Variants in UBL7 observed in about 807,000 individuals in gnomAD.
UBL7 encodes ubiquitin like 7.
A neutral mutation model predicts 41.7 loss-of-function variants in UBL7; 21 were observed. The ratio of observed to expected loss-of-function variants is 0.50; its 90% CI spans 0.36 to 0.73. UBL7 has a LOEUF of 0.73. UBL7 is among the 30% of genes least tolerant of loss of function. The pLI, the probability that UBL7 is intolerant of heterozygous loss-of-function variation, is 0.00. For synonymous variants in UBL7, 157 were observed against 186.9 expected, an observed-to-expected ratio of 0.84 and a Z score of 1.31; for missense variants, 403 against 478.4, an observed-to-expected ratio of 0.84 and a Z score of 1.47.
chr15:74,446,403 AAG>A lies in UBL7; in HGVS notation c.1006-178_1006-177del, dbSNP rs1200545375. Among the ~76,000 whole-genome samples, 1 of 152,244 alleles carries A rather than the reference AAG, an allele frequency of 6.6e-6. No individual in the cohort carries two copies. The highest frequency in any genetic ancestry group is 1.5e-5 in the Non-Finnish European group (1 of 68,038). Reference sequence around the variant, plus strand: ...AGACTAAAAGATAGGCTTGAGGGTTAAGAGAACAAATCCAAAGTTTTACAATA... The same window carrying A: ...AGACTAAAAGATAGGCTTGAGGGTTAAGAACAAATCCAAAGTTTTACAATA... On this transcript the variant is annotated intron_variant, in intron 10 of 10. Transcript: ENST00000395081. This position sits in a 1 kb window ranked among gnomAD's most constrained non-coding sequence, Gnocchi z 4.1.
chr15:74,450,129 C>T, intron 6 of UBL7, 60 bp from the exon 7 acceptor site: 2 of 1,521,966 alleles, frequency 1.3e-6, no homozygotes, highest in South Asian at 2.6e-5. Context: ...TCAGCCATAA[C>T]AGGAGTTCTG....
At chr15:74,454,005 T>C (rs947631820) in intron 3 of UBL7, among the ~76,000 whole-genome samples, 4 of 152,234 alleles carry the variant, frequency 2.6e-5, no homozygotes, top group African/African-American at 9.6e-5. Flanking sequence ...GTAAGATCTC[T>C]GAGCTAAATT....
At position 74,448,534 on chromosome 15, in the gene UBL7, G is replaced by T. The variant is rs752125422; in HGVS notation, c.949C>A (p.Leu317Ile). ...VQSGTPITNDLFSQALQHALQ... is the reference protein window; with the variant it reads ...VQSGTPITNDIFSQALQHALQ... Reference sequence around the variant, plus strand: ...GCATGCTGTAGGGCTTGGCTGAAGAGATCATTGGTGATGGGCGTCCCTGAC... The same window carrying T: ...GCATGCTGTAGGGCTTGGCTGAAGATATCATTGGTGATGGGCGTCCCTGAC... Residue 317 changes from leucine to isoleucine, a missense_variant, in exon 10 of 11, where the codon CTC (leucine) becomes ATC (isoleucine). Coordinates refer to ENST00000395081, the MANE Select transcript of UBL7 (RefSeq NM_032907.5). The T allele has an allele frequency of 1.2e-6, 2 of 1,614,196 alleles. No homozygotes were observed. Among genetic ancestry groups the T allele is most frequent in the East Asian group, 4.5e-5 (2 of 44,884 alleles).
At chr15:74,448,672 A>AT in intron 9 of UBL7, 72 bp from the exon 10 acceptor site, 1 of 1,591,846 alleles carries the variant, frequency 6.3e-7, no homozygotes, top group East Asian at 2.3e-5. Flanking sequence ...CGCTGTTGTC[A>AT]TATCACCTCA....
chr15:74,448,285 C>A lies in UBL7; in HGVS notation c.1005+193G>T, dbSNP rs539165034. Among the ~76,000 whole-genome samples, 62 of 152,306 alleles carry A rather than the reference C, an allele frequency of 4.1e-4. 1 individual carries two copies. The highest frequency in any genetic ancestry group is 1.4e-3 in the African/African-American group (58 of 41,556). ...CCATGGTCACTAGGGGCAGGAGAAG[C>A]CTAGTGACCACTGTGTATGGTCTGA... On this transcript the variant is annotated intron_variant, in intron 10 of 10. Coordinates refer to ENST00000395081, the MANE Select transcript of UBL7 (RefSeq NM_032907.5).
intron 3 of UBL7, among the ~76,000 whole-genome samples, chr15:74,454,779 G>T (rs1177369665): frequency 2.0e-5 from 3 of 152,176 alleles, no homozygotes; most frequent in African/African-American, 4.8e-5. Context: ...ACTCTGGATA[G>T]GATGCTTTCA....
chr15:74,460,194 A>ATAG (rs1485183962), intron 1 of UBL7, among the ~76,000 whole-genome samples: 1 of 152,090 alleles, frequency 6.6e-6, no homozygotes, highest in Non-Finnish European at 1.5e-5. Context: ...GTGAGCCGAG[A>ATAG]TAGCGCCACT....
At chr15:74,447,536 T>C (rs1327417726) in intron 10 of UBL7, among the ~76,000 whole-genome samples, 1 of 151,650 alleles carries the variant, frequency 6.6e-6, no homozygotes, top group East Asian at 1.9e-4. Context: ...GACCCCCCCA[T>C]CTCTACAAAA....
intron 3 of UBL7, among the ~76,000 whole-genome samples, chr15:74,453,002 G>A (rs548086638): frequency 1.1e-3 from 175 of 152,252 alleles, no homozygotes; most frequent in Middle Eastern, 3.4e-3. Context: ...GTGAGCCACC[G>A]TGCCCAGCCC....
chr15:74,456,664 G>A lies in UBL7; in HGVS notation c.192C>T (p.Ile64=), dbSNP rs1481169062. The A allele has an allele frequency of 1.2e-6, 2 of 1,612,920 alleles. No homozygotes were observed. The highest frequency in any genetic ancestry group is 1.7e-6 in the Non-Finnish European group (2 of 1,179,262). The part of the protein sequence containing the change: ...SVPDPELIDL[I]YCGRKLKDDQ... ...CATCTTTTAGCTTCCGACCACAGTA[G>A]ATCAGATCTAAAAAAAGAACTGTCC... Residue 64 remains isoleucine (I), a synonymous_variant, in exon 3 of 11, where the codon ATC becomes ATT. Coordinates refer to ENST00000395081, the MANE Select transcript of UBL7 (RefSeq NM_032907.5).
chr15:74,456,553 C>T lies in UBL7; in HGVS notation c.303G>A (p.Pro101=), dbSNP rs144350795. 3.1e-6 allele frequency: 5 copies of T among 1,613,780 alleles called. No individual in the cohort carries two copies. The highest frequency in any genetic ancestry group is 2.2e-5 in the South Asian group (2 of 91,062). ...GCCTAAGGGCTGCCCCTCACTCACCCGGTTTCTGATCAGGTTCAGGCCAGG... is the reference window on the plus strand; with the variant it reads ...GCCTAAGGGCTGCCCCTCACTCACCTGGTTTCTGATCAGGTTCAGGCCAGG... The part of the protein sequence containing the change: ...RKSWPEPDQK[P]EPVDKVAAMR... Residue 101 remains proline (P), a splice_region_variant and synonymous_variant, in exon 3 of 11, where the codon CCG becomes CCA. Coordinates refer to ENST00000395081, the MANE Select transcript of UBL7 (RefSeq NM_032907.5).
At chr15:74,453,847 AAC>A (rs775036120) in intron 3 of UBL7, among the ~76,000 whole-genome samples, 60 of 152,238 alleles carry the variant, frequency 3.9e-4, no homozygotes, top group Non-Finnish European at 8.8e-5. Flanking sequence ...ACTGTCACAA[AAC>A]AGTTTCTTTA....
At chr15:74,452,150 C>T (rs1220871585) in intron 4 of UBL7, 146 bp downstream of exon 4, 2 of 719,644 alleles carry the variant, frequency 2.8e-6, no homozygotes, top group Non-Finnish European at 4.6e-6. Flanking sequence ...CAGGGCTCTA[C>T]TGAGGCCCAC....
chr15:74,457,552 G>T lies in UBL7; in HGVS notation c.185-881C>A, dbSNP rs1461436884. On this transcript the variant is annotated intron_variant, in intron 2 of 10. Transcript: ENST00000395081. ...AGCAAGACTCTGTCTCAAAAAAAAA[G>T]AAATATATATATATATACACACATA... Among the ~76,000 whole-genome samples, 3 of 125,290 alleles carry T rather than the reference G, an allele frequency of 2.4e-5. No homozygotes were observed. In the Admixed American group the frequency reaches 2.6e-4, roughly 11 times the overall value. 82.2% of individuals were successfully genotyped at this position (125,290 alleles called of 152,430 possible).
Position 74,456,629 on chromosome 15 carries a change from A to C in UBL7, c.227T>G (p.Leu76Arg), listed in dbSNP as rs752898444. ...CGRKLKDDQT[L>R]DFYGIQPGST... is the part of the protein sequence containing the mutation. ...CCCAGGTTGAATGCCATAGAAGTCA[A>C]GTGTCTGGTCATCTTTTAGCTTCCG... is the stretch of plus-strand genomic sequence containing the variant. Residue 76 changes from leucine (L) to arginine (R), a missense_variant, in exon 3 of 11, where the codon CTT becomes CGT. Coordinates refer to ENST00000395081, the MANE Select transcript of UBL7 (RefSeq NM_032907.5). The C allele has an allele frequency of 6.2e-7, 1 of 1,614,100 alleles. No homozygotes were observed. Among genetic ancestry groups the C allele is most frequent in the East Asian group, 2.2e-5 (1 of 44,898 alleles).
chr15:74,448,400 G>A (rs980928449), intron 10 of UBL7, 78 bp downstream of exon 10: 47 of 1,590,286 alleles, frequency 3.0e-5, no homozygotes, highest in Admixed American at 6.8e-5. Context: ...GTGAAGGACC[G>A]CCAGAGAGCA....
chr15:74,452,329 A>T lies in UBL7; in HGVS notation c.354T>A (p.Thr118=), dbSNP rs1237538048. 1 of 1,560,854 alleles carries T rather than the reference A, an allele frequency of 6.4e-7. No individual in the cohort carries two copies. The highest frequency in any genetic ancestry group is 8.7e-7 in the Non-Finnish European group (1 of 1,151,304). Residue 118 remains threonine, a synonymous_variant, in exon 4 of 11, where the codon ACT becomes ACA. Coordinates refer to ENST00000395081, the MANE Select transcript of UBL7 (RefSeq NM_032907.5). The part of the protein sequence containing the change: ...AAMREFRVLH[T]ALHSSSSYRE... ...TGTAAGAGGAGCTGCTGTGCAGGGCAGTGTGCAACACCCGGAACTCTCTCA... is the reference window on the plus strand; with the variant it reads ...TGTAAGAGGAGCTGCTGTGCAGGGCTGTGTGCAACACCCGGAACTCTCTCA...
intron 3 of UBL7, 34 bp downstream of exon 3, chr15:74,456,512 TACAGAA>T: frequency 6.2e-7 from 1 of 1,610,264 alleles, no homozygotes; most frequent in East Asian, 2.2e-5. Flanking sequence ...TTGCGGATAT[TACAGAA>T]ACTCTGCCTG....
At chr15:74,460,643 G>C in intron 1 of UBL7, 1 of 1,254,204 alleles carries the variant, frequency 8.0e-7, no homozygotes, top group Non-Finnish European at 1.0e-6. Context: ...AAAGACTAAA[G>C]TTTTCTTCAT....
Sources: gnomAD v4.1 joint callset for allele counts (sites outside exome capture counted in the v4.1 genomes callset) on GRCh38, gnomAD v4.1.1 for gene constraint, Gnocchi (gnomAD v3.1) non-coding constraint, MANE v1.5 for transcripts, NCBI Gene and HGNC (gene_info 2026-07-23, HGNC 2026-07-21) for gene names.